LRRTM4: variants seen among roughly 807,000 people sequenced by gnomAD.
LRRTM4 encodes the protein leucine-rich repeat transmembrane neuronal protein 4.
A neutral mutation model predicts 47.6 loss-of-function variants in LRRTM4; 25 were observed. That is an observed-to-expected ratio of 0.53 (90% CI 0.38 to 0.73). The LOEUF (loss-of-function observed/expected upper bound fraction) is 0.73, where lower values mean the gene tolerates loss of function less well. Ranked by LOEUF, LRRTM4 falls within the 30% of genes least tolerant of loss-of-function variation. The pLI is 0.00. For missense variants in LRRTM4, 638 were observed against 713.4 expected (o/e 0.89, Z 1.20); for synonymous variants, 311 against 269.5 (o/e 1.15, Z -1.51).
At chr2:77,149,680 T>C (rs1255239110) in intron 3 of LRRTM4, among the ~76,000 whole-genome samples, 2 of 152,170 alleles carry the variant, frequency 1.3e-5, no homozygotes, top group Non-Finnish European at 2.9e-5. Context: ...TCAGGGAAAA[T>C]TGTCAGTATG....
At chr2:77,062,358 T>G (rs13001302) in intron 3 of LRRTM4, among the ~76,000 whole-genome samples, 5,617 of 152,288 alleles carry the variant, frequency 0.037, 154 homozygotes, top group Non-Finnish European at 0.053. Context: ...TTTAAAAATG[T>G]TAGAGTCCTA....
At chr2:77,188,926 T>C (rs1303420289) in intron 3 of LRRTM4, among the ~76,000 whole-genome samples, 1 of 152,182 alleles carries the variant, frequency 6.6e-6, no homozygotes, top group Non-Finnish European at 1.5e-5. Flanking sequence ...AAATCACCAC[T>C]ACCAGCTTCT....
intron 3 of LRRTM4, among the ~76,000 whole-genome samples, chr2:76,891,215 C>G (rs540522182): frequency 1.4e-4 from 21 of 151,728 alleles, no homozygotes; most frequent in African/African-American, 4.8e-4. Context: ...CAACAAAAAA[C>G]AAAACAAAAA....
chr2:77,316,848 TTC>T (rs1430878596), intron 3 of LRRTM4, among the ~76,000 whole-genome samples: 8 of 152,224 alleles, frequency 5.3e-5, no homozygotes, highest in African/African-American at 1.9e-4. Context: ...ACCTTACCTA[TTC>T]TCTTTTTGAA....
At chr2:77,047,585 T>C (rs1297327561) in intron 3 of LRRTM4, among the ~76,000 whole-genome samples, 1 of 152,036 alleles carries the variant, frequency 6.6e-6, no homozygotes, top group Non-Finnish European at 1.5e-5. Flanking sequence ...TCACATGATG[T>C]TCTCCCTGTG....
At chr2:76,849,433 C>CCAGA (rs1671928357) in intron 3 of LRRTM4, among the ~76,000 whole-genome samples, 3 of 151,734 alleles carry the variant, frequency 2.0e-5, no homozygotes, top group Non-Finnish European at 4.4e-5. Flanking sequence ...GGAATATTTC[C>CCAGA]CAGATGTATT....
chr2:77,484,540 A>T (rs754541168), intron 3 of LRRTM4, among the ~76,000 whole-genome samples: 7 of 152,092 alleles, frequency 4.6e-5, no homozygotes, highest in Non-Finnish European at 8.8e-5. Flanking sequence ...TTCTAGTTTT[A>T]TAGTTTATCT....
chr2:77,181,916 A>C (rs1409673672), intron 3 of LRRTM4, among the ~76,000 whole-genome samples: 3 of 152,152 alleles, frequency 2.0e-5, no homozygotes, highest in African/African-American at 7.2e-5. Flanking sequence ...AAAAGTCAAG[A>C]AACAATAGAT....
chr2:76,827,885 CCA>C (rs1238481230), intron 3 of LRRTM4, among the ~76,000 whole-genome samples: 2 of 151,760 alleles, frequency 1.3e-5, no homozygotes, highest in Non-Finnish European at 2.9e-5. Flanking sequence ...TTTTAATTTT[CCA>C]CAGTTACTGT....
intron 3 of LRRTM4, among the ~76,000 whole-genome samples, chr2:76,808,732 G>A (rs191652962): frequency 6.6e-6 from 1 of 152,276 alleles, no homozygotes; most frequent in East Asian, 1.9e-4. Context: ...CCCAAATAAG[G>A]TGGAATGTTG....
chr2:77,115,721 A>G (rs1257583315), intron 3 of LRRTM4, among the ~76,000 whole-genome samples: 1 of 152,182 alleles, frequency 6.6e-6, no homozygotes, highest in African/African-American at 2.4e-5. Flanking sequence ...TAGATTGACA[A>G]TTATGTGAGA....
chr2:77,190,598 C>T (rs532569722), intron 3 of LRRTM4, among the ~76,000 whole-genome samples: 1 of 152,210 alleles, frequency 6.6e-6, no homozygotes, highest in South Asian at 2.1e-4. Context: ...CCGCACCCAG[C>T]CAACAGAGCA....
At chr2:76,897,399 G>A (rs1166562455) in intron 3 of LRRTM4, among the ~76,000 whole-genome samples, 2 of 148,390 alleles carry the variant, frequency 1.3e-5, no homozygotes, top group African/African-American at 5.3e-5. Flanking sequence ...CAACTCTATT[G>A]GGCATAAATA....
intron 3 of LRRTM4, among the ~76,000 whole-genome samples, chr2:77,048,189 G>C (rs1679297404): frequency 6.6e-6 from 1 of 151,920 alleles, no homozygotes; most frequent in African/African-American, 2.4e-5. Flanking sequence ...AAATAATCAT[G>C]ATTTTATAAT....
chr2:77,086,015 A>C (rs78279200), intron 3 of LRRTM4, among the ~76,000 whole-genome samples: 1 of 152,322 alleles, frequency 6.6e-6, no homozygotes, highest in African/African-American at 2.4e-5. Context: ...GGGAGAAAGT[A>C]CGTGAGTTAA....
intron 3 of LRRTM4, among the ~76,000 whole-genome samples, chr2:76,978,364 A>G (rs1035621024): frequency 6.6e-6 from 1 of 152,022 alleles, no homozygotes; most frequent in African/African-American, 2.4e-5. Context: ...GAAGGATTTT[A>G]TTGCTTAGTT....
chr2:77,098,776 A>C (rs1325942688), intron 3 of LRRTM4, among the ~76,000 whole-genome samples: 1 of 151,992 alleles, frequency 6.6e-6, no homozygotes, highest in Non-Finnish European at 1.5e-5. Context: ...ATATGTCAAG[A>C]CTACAAATCA....
At position 77,042,582 on chromosome 2, in the gene LRRTM4, A is replaced by AT. The variant is rs531418616; in HGVS notation, c.1552-293667dup. ...CAGTCTAGAATAGAATATGGGGTCT[A>AT]TTTTTGTACAGGAATAAAATAGAAG... On this transcript the variant is annotated intron_variant, in intron 3 of 3. Coordinates refer to ENST00000409884, the MANE Select transcript of LRRTM4 (RefSeq NM_001134745.3). Among the ~76,000 whole-genome samples the AT allele has an allele frequency of 3.2e-3, 482 of 151,836 alleles. 1 individual carries two copies. The highest frequency in any genetic ancestry group is 0.011 in the African/African-American group (463 of 41,506).
chr2:77,229,383 T>A (rs1674902645), intron 3 of LRRTM4, among the ~76,000 whole-genome samples: 1 of 151,992 alleles, frequency 6.6e-6, no homozygotes, highest in African/African-American at 2.4e-5. Flanking sequence ...TCTACGAGAG[T>A]CTTAAGCAAA....
Sources: allele counts gnomAD v4.1 joint callset (sites outside exome capture counted in the v4.1 genomes callset), GRCh38; gene constraint gnomAD v4.1.1; transcripts MANE v1.5; gene names NCBI Gene and HGNC (gene_info 2026-07-23, HGNC 2026-07-21).